KIAA1328: variants seen among roughly 807,000 people sequenced by gnomAD.
KIAA1328 encodes protein hinderin.
In KIAA1328, 52 loss-of-function variants were observed where a neutral mutation model predicts 68.1. The ratio of observed to expected loss-of-function variants is 0.76; its 90% confidence interval spans 0.61 to 0.96. KIAA1328 has a LOEUF of 0.96. Among genes scored for constraint, KIAA1328 ranks in the 40% least tolerant of loss-of-function variants. KIAA1328 has a pLI of 0.00. For missense variants in KIAA1328, 641 were observed against 677.6 expected (o/e 0.95, Z 0.60); for synonymous variants, 232 against 239.4 (o/e 0.97, Z 0.28).
At chr18:36,928,534 G>A (rs2050201921) in intron 5 of KIAA1328, among the ~76,000 whole-genome samples, 1 of 152,148 alleles carries the variant, frequency 6.6e-6, no homozygotes, top group Non-Finnish European at 1.5e-5. Flanking sequence ...TAGTTTTCAA[G>A]TCTCACAAAT....
intron 5 of KIAA1328, among the ~76,000 whole-genome samples, chr18:36,932,034 C>G (rs897586742): frequency 6.6e-6 from 1 of 151,062 alleles, no homozygotes; most frequent in Non-Finnish European, 1.5e-5. Flanking sequence ...TCCATACTTT[C>G]TATCAGTTTA....
chr18:36,998,572 G>T lies in KIAA1328; in HGVS notation c.576+39137G>T, dbSNP rs1313967714. Among the ~76,000 whole-genome samples the T allele has an allele frequency of 4.6e-5, 7 of 152,228 alleles. No individual in the cohort carries two copies. In the East Asian group the frequency reaches 7.7e-4, roughly 17 times the overall value. ...CCGCTGCCACCACTATGGCCTGAAG[G>T]CCAGCTCACTTGGAATCCAAGTCCT... On this transcript the variant is annotated intron_variant, in intron 6 of 9. Transcript: ENST00000280020.
intron 5 of KIAA1328, among the ~76,000 whole-genome samples, chr18:36,913,139 C>CT (rs1053318026): frequency 6.6e-6 from 1 of 151,946 alleles, no homozygotes; most frequent in Non-Finnish European, 1.5e-5. Context: ...GTCTGAGAGT[C>CT]TTTTTTGAAA....
intron 1 of KIAA1328, chr18:36,832,757 AC>A (rs2046536581): frequency 6.6e-6 from 1 of 152,120 alleles, no homozygotes. Context: ...ACAAAATAAA[AC>A]AAAAATCATT....
intron 9 of KIAA1328, among the ~76,000 whole-genome samples, chr18:37,220,839 G>GT (rs1048398909): frequency 7.2e-5 from 11 of 152,092 alleles, no homozygotes; most frequent in African/African-American, 2.7e-4. Context: ...TGGTTGGTTG[G>GT]TTTTTTGTTT....
chr18:37,216,994 GT>G lies in KIAA1328; in HGVS notation c.1524-5013del, dbSNP rs1203023071. Reference sequence around the variant, plus strand: ...CTTTTTTTTTGTTTTTTTTTTGTTTGTTTTTTTTTTGCTTTCCATTTGCTTG... The same window carrying G: ...CTTTTTTTTTGTTTTTTTTTTGTTTGTTTTTTTTTGCTTTCCATTTGCTTG... On this transcript the variant is annotated intron_variant, in intron 9 of 9. Transcript: ENST00000280020. Among the ~76,000 whole-genome samples the G allele has an allele frequency of 7.5e-4, 22 of 29,398 alleles. No individual in the cohort carries two copies. The South Asian group carries it at 0.011, about 14-fold the overall frequency. The allele number at this position is 29,398 out of a possible 152,430, so 19.3% of individuals were successfully genotyped here. A position where few individuals can be genotyped will look rare whatever the true frequency, so the allele number is the denominator to read the frequency against.
intron 4 of KIAA1328, among the ~76,000 whole-genome samples, chr18:36,868,285 A>G (rs938517760): frequency 6.6e-6 from 1 of 152,216 alleles, no homozygotes; most frequent in African/African-American, 2.4e-5. Context: ...TTACATTTGC[A>G]GAAGGATAAG....
intron 6 of KIAA1328, among the ~76,000 whole-genome samples, chr18:36,961,684 T>A (rs1410676030): frequency 2.0e-5 from 3 of 152,120 alleles, no homozygotes; most frequent in Non-Finnish European, 4.4e-5. Flanking sequence ...AGAAAAGAAT[T>A]TTCAACCCAG....
intron 7 of KIAA1328, among the ~76,000 whole-genome samples, chr18:37,111,561 C>G (rs1470339545): frequency 6.6e-6 from 1 of 152,144 alleles, no homozygotes; most frequent in Non-Finnish European, 1.5e-5. Context: ...TTGGAGGTTC[C>G]AAAATGGCCA....
intron 6 of KIAA1328, among the ~76,000 whole-genome samples, chr18:36,981,711 C>T (rs908478214): frequency 2.6e-5 from 4 of 151,640 alleles, no homozygotes; most frequent in African/African-American, 9.7e-5. Context: ...CTCAGCCTCT[C>T]AAGTAACTGG....
chr18:36,971,654 G>A (rs903449111), intron 6 of KIAA1328, among the ~76,000 whole-genome samples: 3 of 152,024 alleles, frequency 2.0e-5, no homozygotes, highest in Non-Finnish European at 2.9e-5. Flanking sequence ...TTTAAAAAAT[G>A]TGGTACTGTA....
intron 5 of KIAA1328, among the ~76,000 whole-genome samples, chr18:36,887,728 G>T (rs1488164700): frequency 2.6e-5 from 4 of 152,220 alleles, no homozygotes; most frequent in Non-Finnish European, 5.9e-5. Flanking sequence ...GGCAGCACTG[G>T]AGAAGAAGAC....
intron 6 of KIAA1328, among the ~76,000 whole-genome samples, chr18:37,015,385 G>A (rs755094178): frequency 2.6e-5 from 4 of 152,146 alleles, no homozygotes; most frequent in Non-Finnish European, 4.4e-5. Context: ...GTACCGTGCT[G>A]TTTTGGTTAC....
chr18:36,897,399 G>A (rs1390924805), intron 5 of KIAA1328, among the ~76,000 whole-genome samples: 1 of 152,072 alleles, frequency 6.6e-6, no homozygotes, highest in Non-Finnish European at 1.5e-5. Context: ...TTGTTATAAT[G>A]TGTGTGTTTA....
At chr18:37,108,763 T>TTTTTG (rs528797156) in intron 7 of KIAA1328, among the ~76,000 whole-genome samples, 4 of 152,106 alleles carry the variant, frequency 2.6e-5, no homozygotes, top group South Asian at 2.1e-4. Context: ...ACACTGGTGT[T>TTTTTG]TTTTGTTTTG....
intron 8 of KIAA1328, among the ~76,000 whole-genome samples, chr18:37,163,818 C>T (rs1440070985): frequency 1.3e-5 from 2 of 152,152 alleles, no homozygotes; most frequent in Non-Finnish European, 2.9e-5. Context: ...TTTGTTCATC[C>T]ATAAGGGTAC....
intron 7 of KIAA1328, among the ~76,000 whole-genome samples, chr18:37,108,640 A>G (rs1235638160): frequency 6.6e-6 from 1 of 152,158 alleles, no homozygotes; most frequent in African/African-American, 2.4e-5. Flanking sequence ...ACACATCACC[A>G]GTCTGGTACC....
At chr18:37,072,071 G>C (rs2056553467) in intron 7 of KIAA1328, among the ~76,000 whole-genome samples, 1 of 151,982 alleles carries the variant, frequency 6.6e-6, no homozygotes, top group Non-Finnish European at 1.5e-5. Flanking sequence ...GTGAAGAGAG[G>C]AAAAATCTAT....
chr18:37,142,989 CTGT>C (rs2058805252), intron 7 of KIAA1328, among the ~76,000 whole-genome samples: 1 of 146,424 alleles, frequency 6.8e-6, no homozygotes, highest in African/African-American at 2.5e-5. Flanking sequence ...GAGTCTTGCT[CTGT>C]CCCCCAGCCT....
Sources: allele counts gnomAD v4.1 joint callset (sites outside exome capture counted in the v4.1 genomes callset), GRCh38; gene constraint gnomAD v4.1.1; transcripts MANE v1.5; gene names NCBI Gene and HGNC (gene_info 2026-07-23, HGNC 2026-07-21).